The following ADAMTS20 variants were observed in gnomAD, a reference collection of about 807,000 sequenced individuals.
The protein encoded by ADAMTS20 is ADAM metallopeptidase with thrombospondin type 1 motif 20.
Under a neutral mutation model 260.1 loss-of-function variants are expected in ADAMTS20, and 225 were observed. The observed-to-expected ratio is 0.87, with a 90% CI of 0.78 to 0.97. The LOEUF (loss-of-function observed/expected upper bound fraction) is 0.97, where lower values mean the gene tolerates loss of function less well. ADAMTS20 is among the 50% of genes least tolerant of loss of function. The pLI, the probability that ADAMTS20 is intolerant of heterozygous loss-of-function variation, is 0.00. For synonymous variants in ADAMTS20, 802 were observed against 769.5 expected (o/e 1.04, Z -0.70); for missense variants, 2,400 against 2,337.7 (o/e 1.03, Z -0.55).
At chr12:43,359,036 CCT>C (rs368037391) in intron 37 of ADAMTS20, among the ~76,000 whole-genome samples, 1 of 151,176 alleles carries the variant, frequency 6.6e-6, no homozygotes, top group African/African-American at 2.4e-5. Context: ...CATACGAGGT[CCT>C]CTCTCTCTCT....
chr12:43,354,113 A>C lies in ADAMTS20; in HGVS notation c.*96T>G. ...AAGGCAGAGACATATTGGACATGGA[A>C]ATCTCGGGAAGGGAGATATAAAGAA... On this transcript the variant is annotated 3_prime_UTR_variant, in exon 39 of 39. Transcript: ENST00000389420. The C allele has an allele frequency of 4.4e-6, 4 of 912,898 alleles. No homozygotes were observed. The South Asian group carries it at 7.6e-5, about 17-fold the overall frequency. 56.5% of individuals were successfully genotyped at this position (912,898 alleles called of 1,614,324 possible).
intron 2 of ADAMTS20, among the ~76,000 whole-genome samples, chr12:43,544,599 C>T (rs1221326930): frequency 6.6e-6 from 1 of 152,084 alleles, no homozygotes; most frequent in Non-Finnish European, 1.5e-5. Context: ...AGGAAGGCAG[C>T]TCAAAATGGA....
intron 28 of ADAMTS20, chr12:43,423,082 G>T (rs893925913): frequency 6.6e-6 from 1 of 151,930 alleles, no homozygotes; most frequent in South Asian, 2.1e-4. Flanking sequence ...ATAAATCTAA[G>T]TACCTTTTTA....
At position 43,452,623 on chromosome 12, in the gene ADAMTS20, T is replaced by C; in HGVS notation, c.1833A>G (p.Pro611=). The C allele has an allele frequency of 1.2e-6, 2 of 1,613,392 alleles. No individual in the cohort carries two copies. Among genetic ancestry groups the C allele is most frequent in the African/African-American group, 1.3e-5 (1 of 75,046 alleles). The part of the protein sequence containing the change: ...KFRSCNTDSC[P]KGTQDFREKQ... Reference sequence around the variant, plus strand: ...TCTCTCGAAAGTCTTGTGTGCCTTTTGGACATGAATCAGTATTACATGATC... The same window carrying C: ...TCTCTCGAAAGTCTTGTGTGCCTTTCGGACATGAATCAGTATTACATGATC... The change falls in exon 13 of 39, where the codon CCA becomes CCG. Residue 611 remains proline, a synonymous_variant. Coordinates refer to ENST00000389420, the MANE Select transcript of ADAMTS20 (RefSeq NM_025003.5).
At chr12:43,415,788 A>T (rs898166874) in intron 28 of ADAMTS20, among the ~76,000 whole-genome samples, 1 of 152,200 alleles carries the variant, frequency 6.6e-6, no homozygotes, top group Admixed American at 6.5e-5. Context: ...CTTAGGAATA[A>T]TATGTCTTCA....
intron 7 of ADAMTS20, among the ~76,000 whole-genome samples, chr12:43,488,117 A>G (rs993298027): frequency 2.0e-5 from 3 of 152,124 alleles, no homozygotes; most frequent in Non-Finnish European, 2.9e-5. Context: ...AATCAGGTAC[A>G]ACTGATTTTT....
In ADAMTS20 at chr12:43,551,807, G is replaced by A. The variant is rs1234202458; in HGVS notation, c.91+24C>T. The A allele has an allele frequency of 6.2e-7, 1 of 1,611,780 alleles. No homozygotes were observed. Among genetic ancestry groups the A allele is most frequent in the African/African-American group, 1.3e-5 (1 of 74,892 alleles). ...GGCCCCGCGCCCCCACTTAGCCGCT[G>A]AAGGCGTCTCGCGGTGACTTTACCT... On this transcript the variant is annotated intron_variant, in intron 1 of 38. Coordinates refer to ENST00000389420, the MANE Select transcript of ADAMTS20 (RefSeq NM_025003.5). The surrounding 1 kb of genome is among the most constrained non-coding windows in gnomAD (Gnocchi z 4.6).
chr12:43,489,083 A>G (rs1231691357), intron 7 of ADAMTS20, among the ~76,000 whole-genome samples: 1 of 151,978 alleles, frequency 6.6e-6, no homozygotes, highest in Non-Finnish European at 1.5e-5. Flanking sequence ...TTTTAAAGGA[A>G]TAAAACTAAA....
At chr12:43,438,008 T>C (rs117012483) in intron 18 of ADAMTS20, among the ~76,000 whole-genome samples, 1 of 152,122 alleles carries the variant, frequency 6.6e-6, no homozygotes, top group East Asian at 1.9e-4. Flanking sequence ...TAACTTTCAG[T>C]ACACAGAAAC....
intron 2 of ADAMTS20, among the ~76,000 whole-genome samples, chr12:43,537,451 C>A (rs758428529): frequency 1.3e-5 from 2 of 152,012 alleles, no homozygotes; most frequent in Non-Finnish European, 2.9e-5. Flanking sequence ...GTGAAATAAG[C>A]ACATCATGGG....
chr12:43,507,842 TG>T (rs1942868097), intron 3 of ADAMTS20, among the ~76,000 whole-genome samples: 1 of 152,186 alleles, frequency 6.6e-6, no homozygotes, highest in Admixed American at 6.5e-5. Flanking sequence ...TTGGAGGACA[TG>T]GATGAAGCTG....
At chr12:43,527,861 T>C (rs564861352) in intron 3 of ADAMTS20, among the ~76,000 whole-genome samples, 59 of 151,958 alleles carry the variant, frequency 3.9e-4, no homozygotes, top group Non-Finnish European at 7.8e-4. Flanking sequence ...GAGAAAGAAA[T>C]AAAGGGCATC....
rs758257586 is a variant in ADAMTS20 at position 43,551,014 on chromosome 12, G to T, written c.348C>A (p.Ala116=). 16 of 1,613,602 alleles carry T rather than the reference G, an allele frequency of 9.9e-6. No individual in the cohort carries two copies. Among genetic ancestry groups the T allele is most frequent in the Non-Finnish European group, 1.4e-5 (16 of 1,179,774 alleles). ...CCGAGGGCCCTGCGTCGCTCTCCCA[G>T]GCCCCGCGCTCCGGGGTTCCCAAGT... ...EVHLGTPERG[A]WESDAGPSDL... The change falls in exon 2 of 39, where the codon GCC becomes GCA. Residue 116 remains alanine, a synonymous_variant. Transcript: ENST00000389420. The surrounding 1 kb of genome is among the most constrained non-coding windows in gnomAD (Gnocchi z 4.6).
intron 27 of ADAMTS20, 31 bp downstream of exon 27, chr12:43,427,277 T>A: frequency 6.2e-7 from 1 of 1,605,490 alleles, no homozygotes; most frequent in South Asian, 1.1e-5. Flanking sequence ...GATGTAATAA[T>A]CTCACAAGTT....
intron 28 of ADAMTS20, among the ~76,000 whole-genome samples, chr12:43,425,070 T>C (rs1446927729): frequency 1.3e-5 from 2 of 152,166 alleles, no homozygotes; most frequent in Non-Finnish European, 2.9e-5. Flanking sequence ...CAGAATACTA[T>C]GCAGCCGTAA....
chr12:43,510,855 A>G (rs979843155), intron 3 of ADAMTS20, among the ~76,000 whole-genome samples: 46 of 152,144 alleles, frequency 3.0e-4, no homozygotes, highest in Admixed American at 2.0e-4. Context: ...AATTACTGTT[A>G]AATAATAATA....
intron 28 of ADAMTS20, among the ~76,000 whole-genome samples, chr12:43,420,979 T>G (rs976948296): frequency 6.6e-6 from 1 of 151,466 alleles, no homozygotes; most frequent in African/African-American, 2.4e-5. Flanking sequence ...AGGTAATTTT[T>G]GTATTTTTAG....
intron 3 of ADAMTS20, among the ~76,000 whole-genome samples, chr12:43,522,063 G>T (rs1174962069): frequency 3.3e-5 from 5 of 152,168 alleles, no homozygotes; most frequent in African/African-American, 1.2e-4. Context: ...TTCTCACGCT[G>T]CTATGAAGAA....
In ADAMTS20 at chr12:43,452,681, C is replaced by T. The variant is rs868241243; in HGVS notation, c.1775G>A (p.Gly592Glu). 6.2e-7 allele frequency: 1 copy of T among 1,604,990 alleles called. No individual in the cohort carries two copies. Among genetic ancestry groups the T allele is most frequent in the Non-Finnish European group, 8.5e-7 (1 of 1,174,114 alleles). Residue 592 changes from glycine (G) to glutamate (E), a missense_variant, in exon 13 of 39, where the codon GGA becomes GAA. Coordinates refer to ENST00000389420, the MANE Select transcript of ADAMTS20 (RefSeq NM_025003.5). ...RCNRPEPRNGGNYCVGRRMKF... is the reference protein window; with the variant it reads ...RCNRPEPRNGENYCVGRRMKF... ...CATCCTGCGGCCCACACAGTAATTT[C>T]CTCCGTTTCTTGGCCTAGTCAAATT...
Sources: gnomAD v4.1 joint callset for allele counts (sites outside exome capture counted in the v4.1 genomes callset) on GRCh38, gnomAD v4.1.1 for gene constraint, Gnocchi (gnomAD v3.1) non-coding constraint, MANE v1.5 for transcripts, NCBI Gene and HGNC (gene_info 2026-07-23, HGNC 2026-07-21) for gene names.